FGFBP1: variants seen among roughly 807,000 people sequenced by gnomAD.
FGFBP1 encodes fibroblast growth factor-binding protein 1.
A neutral mutation model predicts 14.6 loss-of-function variants in FGFBP1; 12 were observed. That is an observed-to-expected ratio of 0.82 (90% CI 0.53 to 1.33). FGFBP1 has a LOEUF of 1.33. Among genes scored for constraint, FGFBP1 ranks in the 40% most tolerant of loss-of-function variants. The pLI is 0.00. For synonymous variants in FGFBP1, 117 were observed against 105.0 expected (o/e 1.11, Z -0.70); for missense variants, 317 against 271.8 (o/e 1.17, Z -1.17).
In FGFBP1 at chr4:15,935,714, A is replaced by C. The variant is rs1158028128; in HGVS notation, c.*214T>G. The C allele has an allele frequency of 9.0e-6, 4 of 443,216 alleles. No homozygotes were observed. The highest frequency in any genetic ancestry group is 1.6e-5 in the Non-Finnish European group (4 of 252,278). 27.5% of individuals were successfully genotyped at this position (443,216 alleles called of 1,614,324 possible). ...ATAGCTGTGTGGGCCATGGAAATAC[A>C]TGCTGCAGGAAACAGCCTCTGAACA... On this transcript the variant is annotated 3_prime_UTR_variant, in exon 3 of 3. Coordinates refer to ENST00000382333, the MANE Select transcript of FGFBP1 (RefSeq NM_005130.5).
At chr4:15,937,309 T>TGTGGGG (rs1712521230) in intron 2 of FGFBP1, among the ~76,000 whole-genome samples, 1 of 119,152 alleles carries the variant, frequency 8.4e-6, no homozygotes, top group African/African-American at 3.3e-5. Context: ...TGGGTGGGGT[T>TGTGGGG]GTGGGGGTGG....
Position 15,935,771 on chromosome 4 carries a change from A to G in FGFBP1, c.*157T>C, listed in dbSNP as rs1712460008. The G allele has an allele frequency of 1.8e-6, 1 of 552,002 alleles. No homozygotes were observed. The highest frequency in any genetic ancestry group is 1.9e-5 in the African/African-American group (1 of 53,338). The allele number at this position is 552,002 out of a possible 1,614,324, so 34.2% of individuals were successfully genotyped here. A position where few individuals can be genotyped will look rare whatever the true frequency, so the allele number is the denominator to read the frequency against. Reference sequence around the variant, plus strand: ...CCAAGAAAAATAAGGCAAATTCCAAAACACAAAAGCAAAAAATACAAAACT... The same window carrying G: ...CCAAGAAAAATAAGGCAAATTCCAAGACACAAAAGCAAAAAATACAAAACT... On this transcript the variant is annotated 3_prime_UTR_variant, in exon 3 of 3. Transcript: ENST00000382333.
chr4:15,936,038 C>A lies in FGFBP1; in HGVS notation c.595G>T (p.Glu199Ter), dbSNP rs1273216417. Reference sequence around the variant, plus strand: ...CTCTGGTTTGCCATATCTGGGTCCTCCACACACTCGGGAGCTTTGGTGGCC... The same window carrying A: ...CTCTGGTTTGCCATATCTGGGTCCTACACACACTCGGGAGCTTTGGTGGCC... The part of the protein sequence containing the change: ...TMATKAPECV[E>*]DPDMANQRKT... The change falls in exon 3 of 3, where the codon GAG (glutamate) becomes TAG (stop). Residue 199 changes from glutamate (E) to a stop codon, truncating the protein, a stop_gained. Transcript: ENST00000382333. LOFTEE classifies it high-confidence loss of function. 3 of 1,614,034 alleles carry A rather than the reference C, an allele frequency of 1.9e-6. No individual in the cohort carries two copies. Among genetic ancestry groups the A allele is most frequent in the East Asian group, 2.2e-5 (1 of 44,884 alleles).
At chr4:15,936,713 C>T (rs112195417) in intron 2 of FGFBP1, 61 bp from the exon 3 acceptor site, 86 of 1,013,010 alleles carry the variant, frequency 8.5e-5, no homozygotes, top group East Asian at 1.7e-4. Flanking sequence ...CAGGACTACA[C>T]GCTGGCCTCC....
chr4:15,936,768 A>C, intron 2 of FGFBP1, 116 bp from the exon 3 acceptor site: 1 of 628,538 alleles, frequency 1.6e-6, no homozygotes, highest in South Asian at 2.1e-5. Flanking sequence ...TAGACCAAGA[A>C]CGCTTCTGGC....
chr4:15,936,683 C>T (rs753829228), intron 2 of FGFBP1, 31 bp from the exon 3 acceptor site: 2 of 1,384,460 alleles, frequency 1.4e-6, no homozygotes, highest in South Asian at 1.3e-5. Context: ...GAGTCAGTGG[C>T]AGGCAGCAGT....
chr4:15,936,608 G>A lies in FGFBP1; in HGVS notation c.25C>T (p.Leu9Phe). Reference sequence around the variant, plus strand: ...TGAGCAGCCAGTAGGAGGAAGGAGAGCAGGGTGAGGCTACAGATCTTCATG... The same window carrying A: ...TGAGCAGCCAGTAGGAGGAAGGAGAACAGGGTGAGGCTACAGATCTTCATG... MKICSLTL[L>F]SFLLLAAQVL... The change falls in exon 3 of 3, where the codon CTC becomes TTC. Residue 9 changes from leucine (L) to phenylalanine (F), a missense_variant. Leu to Phe is a conservative substitution (Grantham distance 22). Transcript: ENST00000382333. The A allele has an allele frequency of 1.2e-6, 2 of 1,610,822 alleles. No individual in the cohort carries two copies. Among genetic ancestry groups the A allele is most frequent in the South Asian group, 1.1e-5 (1 of 90,952 alleles).
chr4:15,935,895 T>A lies in FGFBP1; in HGVS notation c.*33A>T, dbSNP rs1310471985. ...ATACAGAGGGACTTACGACATGACA[T>A]CTCTTAAGGGAACCCGTTCTCTTTT... On this transcript the variant is annotated 3_prime_UTR_variant, in exon 3 of 3. Transcript: ENST00000382333. The A allele has an allele frequency of 2.9e-6, 4 of 1,400,030 alleles. No individual in the cohort carries two copies. In the African/African-American group the frequency reaches 5.7e-5, roughly 20 times the overall value. 86.7% of individuals were successfully genotyped at this position (1,400,030 alleles called of 1,614,324 possible).
rs1254567595 is a variant in FGFBP1 at position 15,935,644 on chromosome 4, T to C, written c.*284A>G. 1 of 287,886 alleles carries C rather than the reference T, an allele frequency of 3.5e-6. No homozygotes were observed. The highest frequency in any genetic ancestry group is 2.2e-5 in the African/African-American group (1 of 46,086). The allele number at this position is 287,886 out of a possible 1,614,324, so 17.8% of individuals were successfully genotyped here. Reference sequence around the variant, plus strand: ...CAGAAAGTTCGTTGCACTGAAATTATCACTCTGGCTCATTCAGCTCAAAGA... The same window carrying C: ...CAGAAAGTTCGTTGCACTGAAATTACCACTCTGGCTCATTCAGCTCAAAGA... On this transcript the variant is annotated 3_prime_UTR_variant, in exon 3 of 3. Coordinates refer to ENST00000382333, the MANE Select transcript of FGFBP1 (RefSeq NM_005130.5).
rs747381057 is a variant in FGFBP1, at chr4:15,936,218, A to G, written c.415T>C (p.Cys139Arg). The change falls in exon 3 of 3, where the codon TGC becomes CGC. Residue 139 changes from cysteine (C) to arginine (R), a missense_variant. Transcript: ENST00000382333. ...YSKTAVKTRV[C>R]RKDFPESSLK... ...CTGGATTCTGGAAAATCCTTTCTGC[A>G]CACTCTGGTTTTCACAGCTGTCTTG... 2 of 1,614,190 alleles carry G rather than the reference A, an allele frequency of 1.2e-6. No individual in the cohort carries two copies. Among genetic ancestry groups the G allele is most frequent in the South Asian group, 1.1e-5 (1 of 91,086 alleles).
intron 2 of FGFBP1, among the ~76,000 whole-genome samples, chr4:15,937,497 A>G (rs1712525573): frequency 6.6e-6 from 1 of 152,218 alleles, no homozygotes; most frequent in African/African-American, 2.4e-5. Flanking sequence ...ATGAACACCA[A>G]CGTCACACTG....
chr4:15,937,227 A>G (rs1394524772), intron 2 of FGFBP1, among the ~76,000 whole-genome samples: 4 of 146,500 alleles, frequency 2.7e-5, no homozygotes, highest in Non-Finnish European at 4.5e-5. Flanking sequence ...GCCCAAAATG[A>G]GAAAGGATGT....
Position 15,936,105 on chromosome 4 carries a change from G to A in FGFBP1, c.528C>T (p.Gly176=). The A allele has an allele frequency of 6.2e-7, 1 of 1,614,046 alleles. No homozygotes were observed. Among genetic ancestry groups the A allele is most frequent in the Non-Finnish European group, 8.5e-7 (1 of 1,179,978 alleles). ...CTAGGCTAGAGGGGGTGGTCTCTTT[G>A]CCTTTGATGTGCTCCCTGGGGGACA... ...TEMSPREHIK[G]KETTPSSLAV... Residue 176 remains glycine (G), a synonymous_variant, in exon 3 of 3, where the codon GGC becomes GGT. Coordinates refer to ENST00000382333, the MANE Select transcript of FGFBP1 (RefSeq NM_005130.5).
chr4:15,936,422 C>T lies in FGFBP1; in HGVS notation c.211G>A (p.Ala71Thr). 1.2e-6 allele frequency: 2 copies of T among 1,614,210 alleles called. No homozygotes were observed. Among genetic ancestry groups the T allele is most frequent in the Non-Finnish European group, 8.5e-7 (1 of 1,180,042 alleles). Residue 71 changes from alanine to threonine, a missense_variant, in exon 3 of 3, where the codon GCT becomes ACT. Ala to Thr is a moderately conservative substitution (Grantham distance 58, BLOSUM62 0). Coordinates refer to ENST00000382333, the MANE Select transcript of FGFBP1 (RefSeq NM_005130.5). ...VTKDQANCRWAATEQEEGISL... is the reference protein window; with the variant it reads ...VTKDQANCRWTATEQEEGISL... The stretch of plus-strand genomic sequence containing the variant: ...ATGCCCTCCTCCTGCTCAGTAGCAG[C>T]CCATCTGCAGTTGGCTTGGTCTTTG...
Position 15,936,404 on chromosome 4 carries a change from C to T in FGFBP1, c.229G>A (p.Glu77Lys). 1 of 1,614,226 alleles carries T rather than the reference C, an allele frequency of 6.2e-7. No individual in the cohort carries two copies. Among genetic ancestry groups the T allele is most frequent in the Non-Finnish European group, 8.5e-7 (1 of 1,180,034 alleles). ...CACTCAACCTTGAGAGAGATGCCCTCCTCCTGCTCAGTAGCAGCCCATCTG... is the reference window on the plus strand; with the variant it reads ...CACTCAACCTTGAGAGAGATGCCCTTCTCCTGCTCAGTAGCAGCCCATCTG... ...NCRWAATEQE[E>K]GISLKVECTQ... Residue 77 changes from glutamate (E) to lysine (K), a missense_variant, in exon 3 of 3, where the codon GAG becomes AAG. Transcript: ENST00000382333.
Position 15,936,377 on chromosome 4 carries a change from T to A in FGFBP1, c.256A>T (p.Thr86Ser). The A allele has an allele frequency of 6.2e-7, 1 of 1,614,190 alleles. No individual in the cohort carries two copies. Among genetic ancestry groups the A allele is most frequent in the Non-Finnish European group, 8.5e-7 (1 of 1,180,028 alleles). ...EEGISLKVEC[T>S]QLDHEFSCVF... ...CAGGAAAATTCATGGTCCAATTGAG[T>A]GCACTCAACCTTGAGAGAGATGCCC... The change falls in exon 3 of 3, where the codon ACT (threonine) becomes TCT (serine). Residue 86 changes from threonine (T) to serine (S), a missense_variant. Physicochemically the swap from Thr to Ser is moderately conservative, Grantham distance 58. Coordinates refer to ENST00000382333, the MANE Select transcript of FGFBP1 (RefSeq NM_005130.5).
intron 2 of FGFBP1, 61 bp downstream of exon 2, chr4:15,938,190 C>CCCTT (rs1380699736): frequency 6.6e-6 from 1 of 152,218 alleles, no homozygotes; most frequent in African/African-American, 2.4e-5. Context: ...GAACTCCAGG[C>CCCTT]CCTTGGTGGA....
intron 1 of FGFBP1, 60 bp from the exon 2 acceptor site, chr4:15,938,531 C>T (rs2148946063): frequency 6.6e-6 from 1 of 152,652 alleles, no homozygotes; most frequent in East Asian, 1.9e-4. Flanking sequence ...TTCCTCTAGG[C>T]CCTTCCCTGT....
intron 2 of FGFBP1, among the ~76,000 whole-genome samples, chr4:15,937,965 T>TG (rs1712534966): frequency 6.6e-6 from 1 of 152,212 alleles, no homozygotes; most frequent in Non-Finnish European, 1.5e-5. Context: ...GAATTTTTTA[T>TG]AAAAAGAGGC....
Sources: gnomAD v4.1 joint callset for allele counts (sites outside exome capture counted in the v4.1 genomes callset) on GRCh38, gnomAD v4.1.1 for gene constraint, MANE v1.5 for transcripts, NCBI Gene and HGNC (gene_info 2026-07-23, HGNC 2026-07-21) for gene names.